The following KCNAB1 variants were observed in gnomAD, a reference collection of about 807,000 sequenced individuals.
The protein encoded by KCNAB1 is potassium voltage-gated channel subfamily A regulatory beta subunit 1.
A neutral mutation model predicts 64.6 loss-of-function variants in KCNAB1; 35 were observed. The observed-to-expected ratio is 0.54, with a 90% CI of 0.41 to 0.72. KCNAB1 has a LOEUF of 0.72. Among genes scored for constraint, KCNAB1 ranks in the 30% least tolerant of loss-of-function variants. The pLI is 0.00. For missense variants in KCNAB1, 401 were observed against 512.9 expected (o/e 0.78, Z 2.11); for synonymous variants, 177 against 183.8 (o/e 0.96, Z 0.30).
chr3:156,144,585 G>A (rs1361804399), intron 1 of KCNAB1, among the ~76,000 whole-genome samples: 1 of 152,212 alleles, frequency 6.6e-6, no homozygotes, highest in Non-Finnish European at 1.5e-5. Context: ...GGATGGATGA[G>A]GAGGAGATGC....
At position 156,142,955 on chromosome 3, in the gene KCNAB1, C is replaced by T. The variant is rs565630387; in HGVS notation, c.275+22069C>T. The stretch of plus-strand genomic sequence containing the variant: ...AGAAAAGTGATTGGCCACCAAAAGC[C>T]TCCTTTATGCACAGGCCTGGGCAGG... On this transcript the variant is annotated intron_variant, in intron 1 of 13. Coordinates refer to ENST00000490337, the MANE Select transcript of KCNAB1 (RefSeq NM_172160.3). 3.4e-6 allele frequency: 4 copies of T among 1,177,536 alleles called. No individual in the cohort carries two copies. The Admixed American group carries it at 1.8e-4, about 52-fold the overall frequency. The allele number at this position is 1,177,536 out of a possible 1,614,324, so 72.9% of individuals were successfully genotyped here.
At chr3:156,309,538 T>A (rs1305641769) in intron 1 of KCNAB1, among the ~76,000 whole-genome samples, 1 of 152,266 alleles carries the variant, frequency 6.6e-6, no homozygotes, top group Non-Finnish European at 1.5e-5. Context: ...TATTGAATGC[T>A]ACTCCTTTCA....
intron 11 of KCNAB1, among the ~76,000 whole-genome samples, chr3:156,521,917 A>G (rs140479975): frequency 1.5e-3 from 221 of 149,456 alleles, no homozygotes; most frequent in African/African-American, 5.1e-3. Flanking sequence ...GGTGTTGAAC[A>G]TGGATTGGGA....
At chr3:156,198,948 G>A (rs1278789338) in intron 1 of KCNAB1, among the ~76,000 whole-genome samples, 4 of 75,972 alleles carry the variant, frequency 5.3e-5, no homozygotes, top group Non-Finnish European at 1.0e-4. Context: ...TTTTTTAGTG[G>A]CTGCTACCAG....
chr3:156,468,419 G>T (rs1005528603), intron 7 of KCNAB1, among the ~76,000 whole-genome samples: 1 of 151,912 alleles, frequency 6.6e-6, no homozygotes, highest in Non-Finnish European at 1.5e-5. Flanking sequence ...CAAAGTCTTT[G>T]TATAGGTTTG....
At chr3:156,273,206 C>A (rs1719134351) in intron 1 of KCNAB1, among the ~76,000 whole-genome samples, 1 of 152,092 alleles carries the variant, frequency 6.6e-6, no homozygotes, top group African/African-American at 2.4e-5. Context: ...ACAAGTACTC[C>A]CTTAGCTGCT....
intron 13 of KCNAB1, among the ~76,000 whole-genome samples, chr3:156,533,100 A>C (rs745611983): frequency 1.3e-5 from 2 of 152,236 alleles, no homozygotes; most frequent in Non-Finnish European, 2.9e-5. Context: ...ACACTGTCTA[A>C]CCTTCAAGGG....
intron 12 of KCNAB1, among the ~76,000 whole-genome samples, chr3:156,525,523 T>C (rs1718252757): frequency 6.6e-6 from 1 of 152,256 alleles, no homozygotes; most frequent in South Asian, 2.1e-4. Context: ...TGTTTGTTTG[T>C]TTTTTGTTTT....
intron 1 of KCNAB1, among the ~76,000 whole-genome samples, chr3:156,156,586 T>C (rs1715740150): frequency 6.6e-6 from 1 of 152,148 alleles, no homozygotes; most frequent in Non-Finnish European, 1.5e-5. Context: ...ATGGATATGA[T>C]ATGCAATAAA....
Position 156,217,265 on chromosome 3 carries a change from T to A in KCNAB1, c.275+96379T>A, listed in dbSNP as rs76359351. 5.7e-3 allele frequency among the ~76,000 whole-genome samples: 875 copies of A among 152,340 alleles called. 7 individuals carry two copies. Among genetic ancestry groups the A allele is most frequent in the South Asian group, 0.017 (84 of 4,826 alleles). On this transcript the variant is annotated intron_variant, in intron 1 of 13. Transcript: ENST00000490337. ...TGTAAAAATTGCAATCCAGATGTTG[T>A]GCTATTAATTTGGGTGACATGATTA...
intron 1 of KCNAB1, among the ~76,000 whole-genome samples, chr3:156,348,991 C>T (rs572590201): frequency 1.3e-5 from 2 of 152,308 alleles, no homozygotes; most frequent in South Asian, 2.1e-4. Context: ...TCAGCCTATA[C>T]TGAAGAACGT....
chr3:156,383,978 C>T (rs1712376700), intron 1 of KCNAB1, among the ~76,000 whole-genome samples: 1 of 152,096 alleles, frequency 6.6e-6, no homozygotes, highest in Admixed American at 6.5e-5. Flanking sequence ...GACAAGATGT[C>T]ATTTGAAGGG....
rs572510202 is a variant in KCNAB1 at position 156,536,983 on chromosome 3, T to C, written c.*236T>C. On this transcript the variant is annotated 3_prime_UTR_variant, in exon 14 of 14. Coordinates refer to ENST00000490337, the MANE Select transcript of KCNAB1 (RefSeq NM_172160.3). The stretch of plus-strand genomic sequence containing the variant: ...TGGACTGGAGTCACCTATTCTTGCA[T>C]TGCTGTATACACCTCATGCTTATGC... 9 of 589,184 alleles carry C rather than the reference T, an allele frequency of 1.5e-5. No homozygotes were observed. Among genetic ancestry groups the C allele is most frequent in the Non-Finnish European group, 2.7e-5 (9 of 332,450 alleles). The allele number at this position is 589,184 out of a possible 1,614,324, so 36.5% of individuals were successfully genotyped here.
At chr3:156,306,834 G>A (rs1576703007) in intron 1 of KCNAB1, among the ~76,000 whole-genome samples, 2 of 152,286 alleles carry the variant, frequency 1.3e-5, no homozygotes, top group Admixed American at 1.3e-4. Context: ...AGGACCATGT[G>A]GTCTGGGACA....
intron 1 of KCNAB1, among the ~76,000 whole-genome samples, chr3:156,411,459 A>AT (rs1306229592): frequency 2.6e-5 from 4 of 151,752 alleles, no homozygotes; most frequent in African/African-American, 7.3e-5. Context: ...ATTTTCTCCC[A>AT]TTTTTTCTAG....
chr3:156,208,037 G>A (rs1371395501), intron 1 of KCNAB1, among the ~76,000 whole-genome samples: 1 of 152,110 alleles, frequency 6.6e-6, no homozygotes, highest in East Asian at 1.9e-4. Flanking sequence ...AAGAAACTTT[G>A]GTTTAGAGGT....
intron 1 of KCNAB1, among the ~76,000 whole-genome samples, chr3:156,194,808 G>A (rs1197430106): frequency 2.0e-5 from 3 of 152,144 alleles, no homozygotes; most frequent in African/African-American, 7.2e-5. Context: ...TGGGATACGT[G>A]TGAAGAATGT....
chr3:156,240,248 C>T (rs1717084466), intron 1 of KCNAB1, among the ~76,000 whole-genome samples: 1 of 152,130 alleles, frequency 6.6e-6, no homozygotes, highest in Non-Finnish European at 1.5e-5. Flanking sequence ...ATATGGCCTC[C>T]TTTGTCTTTC....
intron 1 of KCNAB1, among the ~76,000 whole-genome samples, chr3:156,195,121 T>G (rs911537477): frequency 9.2e-5 from 14 of 152,238 alleles, no homozygotes; most frequent in African/African-American, 3.4e-4. Flanking sequence ...GACCTTATCC[T>G]TTTTTATGGC....
Sources: allele counts gnomAD v4.1 joint callset (sites outside exome capture counted in the v4.1 genomes callset), GRCh38; gene constraint gnomAD v4.1.1; transcripts MANE v1.5; gene names NCBI Gene and HGNC (gene_info 2026-07-23, HGNC 2026-07-21).